TSPAN9: variants seen among roughly 807,000 people sequenced by gnomAD.
TSPAN9 encodes the protein tetraspanin 9, also known as tetraspanin-9.
TSPAN9 carries 16 observed loss-of-function variants against 31.0 expected under a neutral mutation model. The observed-to-expected ratio is 0.52, with a 90% CI of 0.35 to 0.78. The LOEUF (loss-of-function observed/expected upper bound fraction) is 0.78. TSPAN9 is among the 30% of genes least tolerant of loss of function. The pLI is 0.01. For synonymous variants in TSPAN9, 145 were observed against 121.6 expected, an observed-to-expected ratio of 1.19 and a Z score of -1.27; for missense variants, 272 against 312.5, an observed-to-expected ratio of 0.87 and a Z score of 0.98.
chr12:3,083,376 C>T (rs1324348062), intron 1 of TSPAN9, among the ~76,000 whole-genome samples: 1 of 152,228 alleles, frequency 6.6e-6, no homozygotes, highest in African/African-American at 2.4e-5. Flanking sequence ...TCTGTTACTT[C>T]TGTAACTGCC....
At chr12:3,198,472 G>C in intron 2 of TSPAN9, among the ~76,000 whole-genome samples, 1 of 99,000 alleles carries the variant, frequency 1.0e-5, no homozygotes, top group African/African-American at 4.5e-5. Context: ...ACCAGCACAG[G>C]CCACCACCAG....
chr12:3,242,396 C>T (rs568166123), intron 3 of TSPAN9, among the ~76,000 whole-genome samples: 6 of 152,308 alleles, frequency 3.9e-5, no homozygotes, highest in African/African-American at 7.2e-5. Flanking sequence ...GCCAGCCCCA[C>T]CTCCCACCTC....
At chr12:3,166,788 T>C (rs1357117998) in intron 2 of TSPAN9, among the ~76,000 whole-genome samples, 1 of 152,092 alleles carries the variant, frequency 6.6e-6, no homozygotes, top group Non-Finnish European at 1.5e-5. Context: ...TAGTGTTTTG[T>C]TTTTTGTTTT....
chr12:3,188,814 A>C (rs911577723), intron 2 of TSPAN9, among the ~76,000 whole-genome samples: 1 of 152,124 alleles, frequency 6.6e-6, no homozygotes, highest in African/African-American at 2.4e-5. Context: ...GTGGTGATCT[A>C]TCAAGGTGAA....
At chr12:3,272,555 C>CGT (rs1252912019) in intron 3 of TSPAN9, among the ~76,000 whole-genome samples, 2 of 151,654 alleles carry the variant, frequency 1.3e-5, no homozygotes, top group Non-Finnish European at 2.9e-5. Flanking sequence ...TGCGCCCGGC[C>CGT]GTGTGTGTGT....
At chr12:3,227,040 A>C (rs1490520949) in intron 3 of TSPAN9, among the ~76,000 whole-genome samples, 1 of 151,064 alleles carries the variant, frequency 6.6e-6, no homozygotes, top group Non-Finnish European at 1.5e-5. Flanking sequence ...ACTTACCTGC[A>C]TGTCTGGGTG....
intron 8 of TSPAN9, 191 bp downstream of exon 8, chr12:3,282,008 G>T: frequency 1.3e-6 from 1 of 755,724 alleles, no homozygotes; most frequent in Non-Finnish European, 2.4e-6. Flanking sequence ...TGTCTACTCA[G>T]CACTGAGAGT....
intron 2 of TSPAN9, chr12:3,173,021 G>A (rs1254757026): frequency 6.6e-6 from 1 of 152,254 alleles, no homozygotes; most frequent in Non-Finnish European, 1.5e-5. Context: ...CACTTTCCCA[G>A]TTCAGGTGCT....
Position 3,281,740 on chromosome 12 carries a change from T to C in TSPAN9, c.571T>C (p.Tyr191His). The C allele has an allele frequency of 1.9e-6, 3 of 1,612,582 alleles. No homozygotes were observed. Among genetic ancestry groups the C allele is most frequent in the Non-Finnish European group, 2.5e-6 (3 of 1,178,680 alleles). Reference protein sequence around the residue: ...ATTPLWRTGCYEKVKMWFDDN... With the variant: ...ATTPLWRTGCHEKVKMWFDDN... The stretch of plus-strand genomic sequence containing the variant: ...CGTGGGCCTCGCTCCCCAGGGCTGC[T>C]ATGAAAAGGTGAAGATGTGGTTCGA... The change falls in exon 8 of 9, where the codon TAT becomes CAT. Residue 191 changes from tyrosine to histidine, a missense_variant. Tyr to His is a moderately conservative substitution (Grantham distance 83). Transcript: ENST00000011898.
In TSPAN9 at chr12:3,277,861, A is replaced by G. The variant is rs1450294883; in HGVS notation, c.64-560A>G. Among the ~76,000 whole-genome samples the G allele has an allele frequency of 2.6e-5, 4 of 152,194 alleles. No homozygotes were observed. In the East Asian group the frequency reaches 7.7e-4, roughly 29 times the overall value. ...CAGCCGATGACTGCCTCCTTTCTCCATCTGTGGGAAATTGTTCTTCAGACT... is the reference window on the plus strand; with the variant it reads ...CAGCCGATGACTGCCTCCTTTCTCCGTCTGTGGGAAATTGTTCTTCAGACT... On this transcript the variant is annotated intron_variant, in intron 3 of 8. Coordinates refer to ENST00000011898, the MANE Select transcript of TSPAN9 (RefSeq NM_006675.5).
rs138579957 is a variant in TSPAN9 at position 3,164,800 on chromosome 12, G to A, written c.-17-36377G>A. 3.8e-4 allele frequency among the ~76,000 whole-genome samples: 58 copies of A among 152,342 alleles called. 1 individual carries two copies. The East Asian group carries it at 0.011, about 29-fold the overall frequency. On this transcript the variant is annotated intron_variant, in intron 2 of 8. Transcript: ENST00000011898. ...GTTGCTGCCACCAATGGGCCACAGT[G>A]GCATTTCGGATGGCAAGGAGGTCCT...
At chr12:3,264,889 G>A (rs903542528) in intron 3 of TSPAN9, among the ~76,000 whole-genome samples, 11 of 152,150 alleles carry the variant, frequency 7.2e-5, no homozygotes, top group East Asian at 5.8e-4. Flanking sequence ...GCTGGTAAAC[G>A]AGGGAACCTG....
At chr12:3,136,862 G>A (rs1393207333) in intron 2 of TSPAN9, among the ~76,000 whole-genome samples, 2 of 152,294 alleles carry the variant, frequency 1.3e-5, no homozygotes, top group African/African-American at 4.8e-5. Flanking sequence ...CATTGGCTGG[G>A]GACCCCTCTA....
rs1275988627 is a variant in TSPAN9, at chr12:3,168,852, T to A, written c.-17-32325T>A. On this transcript the variant is annotated intron_variant, in intron 2 of 8. Coordinates refer to ENST00000011898, the MANE Select transcript of TSPAN9 (RefSeq NM_006675.5). This position sits in a 1 kb window ranked among gnomAD's most constrained non-coding sequence, Gnocchi z 4.0. Reference sequence around the variant, plus strand: ...GATGCGCTGCCTCGATGGCCCCGCCTCCCTCCCGGCCAGTGTGGGCGTGCA... The same window carrying A: ...GATGCGCTGCCTCGATGGCCCCGCCACCCTCCCGGCCAGTGTGGGCGTGCA... 6.6e-6 allele frequency among the ~76,000 whole-genome samples: 1 copy of A among 152,120 alleles called. No homozygotes were observed. Among genetic ancestry groups the A allele is most frequent in the Non-Finnish European group, 1.5e-5 (1 of 68,030 alleles).
chr12:3,244,174 G>A (rs602059), intron 3 of TSPAN9, among the ~76,000 whole-genome samples: 80,029 of 152,122 alleles, frequency 0.53, 21,762 homozygotes, highest in African/African-American at 0.67. Flanking sequence ...AGGCAGGGAG[G>A]TGTCTATGTC....
At chr12:3,273,795 G>C (rs928430325) in intron 3 of TSPAN9, among the ~76,000 whole-genome samples, 1 of 152,118 alleles carries the variant, frequency 6.6e-6, no homozygotes, top group Non-Finnish European at 1.5e-5. Context: ...CCTGTGCGGG[G>C]CAGGCCTGGC....
intron 2 of TSPAN9, among the ~76,000 whole-genome samples, chr12:3,121,437 A>T (rs2098325055): frequency 7.2e-6 from 1 of 138,192 alleles, no homozygotes; most frequent in East Asian, 2.1e-4. Context: ...ACAGCTCATT[A>T]CAGCCTCGAC....
At chr12:3,118,350 C>G (rs1475445834) in intron 2 of TSPAN9, among the ~76,000 whole-genome samples, 1 of 142,454 alleles carries the variant, frequency 7.0e-6, no homozygotes, top group African/African-American at 2.6e-5. Flanking sequence ...CAACCTCTGC[C>G]TCCTGGATTC....
At chr12:3,243,678 G>A (rs531561012) in intron 3 of TSPAN9, among the ~76,000 whole-genome samples, 1 of 152,138 alleles carries the variant, frequency 6.6e-6, no homozygotes, top group Non-Finnish European at 1.5e-5. Flanking sequence ...TCCTCTTCAG[G>A]GAGGGTGACA....
Sources: allele counts gnomAD v4.1 joint callset (sites outside exome capture counted in the v4.1 genomes callset), GRCh38; gene constraint gnomAD v4.1.1; non-coding constraint Gnocchi (gnomAD v3.1); transcripts MANE v1.5; gene names NCBI Gene and HGNC (gene_info 2026-07-23, HGNC 2026-07-21).